Variants in CUBN observed in about 807,000 individuals in gnomAD.
CUBN encodes cubilin, also known as 460 kDa receptor.
CUBN carries 282 observed loss-of-function variants against 405.3 expected under a neutral mutation model. That is an observed-to-expected ratio of 0.70 (90% CI 0.63 to 0.77). The LOEUF is 0.77. Ranked by LOEUF, CUBN falls within the 30% of genes least tolerant of loss-of-function variation. The probability of loss-of-function intolerance (pLI) is 0.00; values close to 1 mark genes in which losing one functional copy is unlikely to be tolerated. For synonymous variants in CUBN, 1,684 were observed against 1,617.0 expected (o/e 1.04, Z -0.99); for missense variants, 4,514 against 4,475.2 (o/e 1.01, Z -0.25).
intron 36 of CUBN, 71 bp downstream of exon 36, chr10:16,947,164 C>T: frequency 6.6e-7 from 1 of 1,514,848 alleles, no homozygotes; most frequent in Non-Finnish European, 9.2e-7. Context: ...GTTGCCCATC[C>T]TATTAGCACC....
chr10:17,097,694 G>C (rs750674863), intron 14 of CUBN, among the ~76,000 whole-genome samples: 1 of 152,076 alleles, frequency 6.6e-6, no homozygotes, highest in Non-Finnish European at 1.5e-5. Flanking sequence ...AATATTTGAT[G>C]AATGCAAAGT....
In CUBN at chr10:17,041,207, C is replaced by T; in HGVS notation, c.3843G>A (p.Val1281=). 1 of 1,613,124 alleles carries T rather than the reference C, an allele frequency of 6.2e-7. No individual in the cohort carries two copies. ...KAEYRQTCEN[V]VIVNQTYGIL... ...TGCCATAGGTTTGATTGACTATTAC[C>T]ACATTCTCACATGCTGGAAAAAGAA... is the stretch of plus-strand genomic sequence containing the variant. The change falls in exon 27 of 67, where the codon GTG becomes GTA. Residue 1281 remains valine, a synonymous_variant. Transcript: ENST00000377833.
intron 17 of CUBN, among the ~76,000 whole-genome samples, chr10:17,079,708 T>C (rs1191859886): frequency 2.0e-5 from 3 of 152,144 alleles, no homozygotes; most frequent in African/African-American, 7.2e-5. Flanking sequence ...TTTTCTGACA[T>C]TTAGGTGTGT....
intron 14 of CUBN, among the ~76,000 whole-genome samples, chr10:17,090,759 A>C (rs575869411): frequency 6.6e-6 from 1 of 151,854 alleles, no homozygotes; most frequent in African/African-American, 2.4e-5. Context: ...TAAGTACATA[A>C]ATAATATGTT....
intron 28 of CUBN, among the ~76,000 whole-genome samples, chr10:17,016,338 T>G (rs1007195442): frequency 6.6e-6 from 1 of 152,190 alleles, no homozygotes; most frequent in Non-Finnish European, 1.5e-5. Context: ...GGATCCATAC[T>G]GGGGAAGGCT....
At position 16,831,238 on chromosome 10, in the gene CUBN, T is replaced by G; in HGVS notation, c.10528+14A>C. 1 of 1,613,398 alleles carries G rather than the reference T, an allele frequency of 6.2e-7. No homozygotes were observed. The highest frequency in any genetic ancestry group is 8.5e-7 in the Non-Finnish European group (1 of 1,179,270). The stretch of plus-strand genomic sequence containing the variant: ...TCTCACAGTGCTTTCCTGTACAAAG[T>G]GCAAATGTCTTACCAGAGGGTGATG... On this transcript the variant is annotated intron_variant, in intron 65 of 66. Coordinates refer to ENST00000377833, the MANE Select transcript of CUBN (RefSeq NM_001081.4).
chr10:16,840,479 T>G lies in CUBN; in HGVS notation c.9883A>C (p.Asn3295His), dbSNP rs1839312813. Reference sequence around the variant, plus strand: ...AATGGGACATCTGGGTCTGATGAATTGGGTGATGAAATATTTTGTGGGGTC... The same window carrying G: ...AATGGGACATCTGGGTCTGATGAATGGGGTGATGAAATATTTTGTGGGGTC... ...TWTPQNISSP[N>H]SSDPDVPFSI... is the part of the protein sequence containing the mutation. The change falls in exon 62 of 67, where the codon AAT becomes CAT. Residue 3295 changes from asparagine to histidine, a missense_variant. This residue lies in a region of CUBN where 1,186 missense variants were observed against 1,186.9 expected (regional missense o/e 1.00). Coordinates refer to ENST00000377833, the MANE Select transcript of CUBN (RefSeq NM_001081.4). 6.2e-7 allele frequency: 1 copy of G among 1,613,594 alleles called. No individual in the cohort carries two copies. The highest frequency in any genetic ancestry group is 8.5e-7 in the Non-Finnish European group (1 of 1,179,784).
intron 32 of CUBN, among the ~76,000 whole-genome samples, chr10:16,953,820 C>T (rs1375737967): frequency 6.6e-6 from 1 of 150,868 alleles, no homozygotes; most frequent in Non-Finnish European, 1.5e-5. Flanking sequence ...CACTGCACTC[C>T]AGCCTGGGTG....
At chr10:16,827,271 T>A (rs1004824368) in intron 66 of CUBN, among the ~76,000 whole-genome samples, 65 of 152,304 alleles carry the variant, frequency 4.3e-4, no homozygotes, top group Admixed American at 1.9e-3. Context: ...AACAGTGTTT[T>A]TATTGATATG....
chr10:16,894,871 A>AT (rs1299855312), intron 54 of CUBN, among the ~76,000 whole-genome samples: 8 of 152,140 alleles, frequency 5.3e-5, no homozygotes, highest in Non-Finnish European at 1.2e-4. Context: ...GCATTTCATT[A>AT]TTTTTAGCAC....
chr10:16,994,862 G>C (rs1469712177), intron 28 of CUBN, among the ~76,000 whole-genome samples: 1 of 152,162 alleles, frequency 6.6e-6, no homozygotes, highest in Non-Finnish European at 1.5e-5. Context: ...GACCAAGGTG[G>C]GCAGATCACC....
At chr10:16,855,590 C>G (rs545453508) in intron 59 of CUBN, among the ~76,000 whole-genome samples, 26 of 152,218 alleles carry the variant, frequency 1.7e-4, no homozygotes, top group Non-Finnish European at 3.2e-4. Context: ...CAAGCTAGTC[C>G]GTGGACCCAT....
intron 17 of CUBN, among the ~76,000 whole-genome samples, chr10:17,081,936 G>A (rs1045514129): frequency 2.6e-5 from 4 of 150,974 alleles, no homozygotes; most frequent in African/African-American, 9.7e-5. Context: ...TTAAATCACC[G>A]TACATGACCT....
At chr10:16,970,523 C>T (rs113922985) in intron 31 of CUBN, among the ~76,000 whole-genome samples, 32,777 of 149,684 alleles carry the variant, frequency 0.22, 3,888 homozygotes, top group African/African-American at 0.29. Context: ...TCGCAGTGAG[C>T]TGAGATCACA....
chr10:16,941,320 G>A (rs1458844580), intron 36 of CUBN, among the ~76,000 whole-genome samples: 1 of 152,084 alleles, frequency 6.6e-6, no homozygotes, highest in East Asian at 1.9e-4. Flanking sequence ...AGGAAAAAAA[G>A]AACCTCTACC....
intron 59 of CUBN, among the ~76,000 whole-genome samples, chr10:16,852,991 C>A (rs1564386744): frequency 6.6e-6 from 1 of 152,014 alleles, no homozygotes; most frequent in Non-Finnish European, 1.5e-5. Flanking sequence ...AGAAAAAGGC[C>A]TTCTTTCAGA....
At chr10:17,101,118 G>A (rs1487053520) in intron 13 of CUBN, among the ~76,000 whole-genome samples, 2 of 152,106 alleles carry the variant, frequency 1.3e-5, no homozygotes, top group African/African-American at 4.8e-5. Flanking sequence ...TTCTGTGCTA[G>A]GGTATTTTAA....
intron 45 of CUBN, among the ~76,000 whole-genome samples, chr10:16,917,348 A>G (rs1255543110): frequency 6.6e-6 from 1 of 152,132 alleles, no homozygotes; most frequent in African/African-American, 2.4e-5. Context: ...ACCAAACCCT[A>G]TACAGACATA....
At chr10:16,834,932 G>C in intron 64 of CUBN, 82 bp downstream of exon 64, 1 of 1,240,210 alleles carries the variant, frequency 8.1e-7, no homozygotes, top group Admixed American at 1.7e-5. Context: ...AATATTAGCA[G>C]CACTAGATAA....
Sources: allele counts gnomAD v4.1 joint callset (sites outside exome capture counted in the v4.1 genomes callset), GRCh38; gene constraint gnomAD v4.1.1; regional missense constraint gnomAD v4.1.1; transcripts MANE v1.5; gene names NCBI Gene and HGNC (gene_info 2026-07-23, HGNC 2026-07-21).